Variants in NRXN3 observed in about 807,000 individuals in gnomAD.
NRXN3 encodes neurexin 3.
In NRXN3, 32 loss-of-function variants were observed where a neutral mutation model predicts 137.6. The observed-to-expected ratio is 0.23, with a 90% CI of 0.18 to 0.31. NRXN3 has a LOEUF of 0.31. Among genes scored for constraint, NRXN3 ranks in the 10% least tolerant of loss-of-function variants. NRXN3 has a pLI of 1.00. For missense variants in NRXN3, 1,574 were observed against 2,062.5 expected, an observed-to-expected ratio of 0.76 and a Z score of 4.59; for synonymous variants, 798 against 784.5, an observed-to-expected ratio of 1.02 and a Z score of -0.29.
At chr14:78,869,196 C>T (rs747488395) in intron 10 of NRXN3, among the ~76,000 whole-genome samples, 4 of 152,104 alleles carry the variant, frequency 2.6e-5, no homozygotes, top group South Asian at 2.1e-4. Flanking sequence ...ATTTTCTTCC[C>T]GTACCCTGCA....
intron 15 of NRXN3, among the ~76,000 whole-genome samples, chr14:79,217,700 C>CA (rs762699954): frequency 7.9e-5 from 12 of 151,746 alleles, no homozygotes; most frequent in South Asian, 6.2e-4. Context: ...CAAAACAAAA[C>CA]AAAAAAAACT....
At chr14:79,647,458 T>C (rs1351671874) in intron 16 of NRXN3, among the ~76,000 whole-genome samples, 1 of 136,116 alleles carries the variant, frequency 7.3e-6, no homozygotes, top group Non-Finnish European at 1.7e-5. Flanking sequence ...TTTTCCGGCA[T>C]TGATTAATCC....
rs187260198 is a variant in NRXN3 at position 79,239,704 on chromosome 14, A to G, written c.3263-227517A>G. ...GTGTCTAAATGATATCTGCACTCTC[A>G]TGTTCATTGCAGCAGTATTCACAAT... On this transcript the variant is annotated intron_variant, in intron 15 of 20. Transcript: ENST00000335750. Among the ~76,000 whole-genome samples, 7 of 152,294 alleles carry G rather than the reference A, an allele frequency of 4.6e-5. No individual in the cohort carries two copies. The East Asian group carries it at 1.3e-3, about 29-fold the overall frequency.
At chr14:78,974,052 T>C (rs1047855017) in intron 14 of NRXN3, among the ~76,000 whole-genome samples, 1 of 151,986 alleles carries the variant, frequency 6.6e-6, no homozygotes, top group Non-Finnish European at 1.5e-5. Context: ...TATATTTTAA[T>C]ATATATTTAA....
At chr14:78,320,846 G>A (rs753767709) in intron 4 of NRXN3, among the ~76,000 whole-genome samples, 2 of 151,574 alleles carry the variant, frequency 1.3e-5, no homozygotes, top group Non-Finnish European at 2.9e-5. Flanking sequence ...GGCTGGGTGC[G>A]GTGGCTCATG....
At chr14:79,710,357 AAAT>A (rs766491068) in intron 19 of NRXN3, among the ~76,000 whole-genome samples, 2 of 152,212 alleles carry the variant, frequency 1.3e-5, no homozygotes, top group Admixed American at 6.5e-5. Context: ...CTTTAAAAAA[AAAT>A]AATAAAAATC....
At chr14:78,597,196 C>A (rs1014255028) in intron 4 of NRXN3, among the ~76,000 whole-genome samples, 2 of 152,170 alleles carry the variant, frequency 1.3e-5, no homozygotes, top group Non-Finnish European at 2.9e-5. Context: ...AATGCAGGAT[C>A]AGCTGATAAG....
At chr14:78,519,787 G>A (rs558308433) in intron 4 of NRXN3, among the ~76,000 whole-genome samples, 1 of 152,136 alleles carries the variant, frequency 6.6e-6, no homozygotes, top group Admixed American at 6.5e-5. Flanking sequence ...GAAATAAAGG[G>A]AATAAATATC....
intron 15 of NRXN3, among the ~76,000 whole-genome samples, chr14:79,278,430 C>T (rs1330886160): frequency 2.0e-5 from 3 of 152,154 alleles, no homozygotes; most frequent in Non-Finnish European, 4.4e-5. Flanking sequence ...CAGATGGCCA[C>T]GACAGAGGAC....
At chr14:79,376,707 T>C (rs539771567) in intron 15 of NRXN3, among the ~76,000 whole-genome samples, 1 of 152,304 alleles carries the variant, frequency 6.6e-6, no homozygotes, top group African/African-American at 2.4e-5. Flanking sequence ...ACCCATGTAT[T>C]AGATAAAATG....
chr14:78,722,669 A>G (rs1384020238), intron 8 of NRXN3, among the ~76,000 whole-genome samples: 1 of 152,212 alleles, frequency 6.6e-6, no homozygotes. Context: ...CAGACTGCAT[A>G]TTATTATCCT....
intron 15 of NRXN3, among the ~76,000 whole-genome samples, chr14:79,428,557 C>T (rs1049355807): frequency 7.9e-5 from 12 of 152,016 alleles, no homozygotes; most frequent in African/African-American, 2.7e-4. Context: ...TATATTCATA[C>T]TGCATGTGGG....
intron 20 of NRXN3, among the ~76,000 whole-genome samples, chr14:79,808,540 G>A (rs1390171929): frequency 1.3e-5 from 2 of 151,916 alleles, no homozygotes; most frequent in African/African-American, 4.8e-5. Flanking sequence ...CAGGCCTTTT[G>A]CTTGATGGAA....
chr14:79,385,204 T>TCCCCCTC (rs2094573612), intron 15 of NRXN3, among the ~76,000 whole-genome samples: 1 of 90,504 alleles, frequency 1.1e-5, no homozygotes, highest in Non-Finnish European at 2.4e-5. Flanking sequence ...ATGCTATCCT[T>TCCCCCTC]CCCCCCGCCC....
chr14:79,197,620 C>G (rs74585364), intron 15 of NRXN3, among the ~76,000 whole-genome samples: 5,393 of 151,556 alleles, frequency 0.036, 229 homozygotes, highest in East Asian at 0.21. Flanking sequence ...CTCTAATTAT[C>G]CGTTGTCTTT....
intron 15 of NRXN3, among the ~76,000 whole-genome samples, chr14:79,047,867 G>T (rs1280044906): frequency 6.6e-6 from 1 of 152,090 alleles, no homozygotes; most frequent in East Asian, 1.9e-4. Flanking sequence ...TGGAAAAATT[G>T]CAGTTTTTAA....
At chr14:78,326,415 A>T (rs2080087182) in intron 4 of NRXN3, among the ~76,000 whole-genome samples, 1 of 152,202 alleles carries the variant, frequency 6.6e-6, no homozygotes, top group Non-Finnish European at 1.5e-5. Context: ...GAGCTGAAAC[A>T]AGGAGTTGGT....
chr14:79,517,099 C>CG (rs371138265), intron 16 of NRXN3, among the ~76,000 whole-genome samples: 29 of 96,984 alleles, frequency 3.0e-4, no homozygotes, highest in East Asian at 4.6e-4. Flanking sequence ...ACAGCCCCCC[C>CG]CCCCTCAACG....
intron 4 of NRXN3, among the ~76,000 whole-genome samples, chr14:78,364,898 G>A (rs1200485984): frequency 1.3e-5 from 2 of 152,100 alleles, no homozygotes; most frequent in Non-Finnish European, 2.9e-5. Flanking sequence ...CTAAAGGTAC[G>A]TTCAGAACCG....
Sources: allele counts gnomAD v4.1 joint callset (sites outside exome capture counted in the v4.1 genomes callset), GRCh38; gene constraint gnomAD v4.1.1; transcripts MANE v1.5; gene names NCBI Gene and HGNC (gene_info 2026-07-23, HGNC 2026-07-21).